The following MSI1 variants were observed in gnomAD, a reference collection of about 807,000 sequenced individuals.
MSI1 encodes the protein musashi RNA binding protein 1, also known as RNA-binding protein Musashi homolog 1.
Under a neutral mutation model 54.4 loss-of-function variants are expected in MSI1, and 15 were observed. That is an observed-to-expected ratio of 0.28 (90% CI 0.18 to 0.42). The LOEUF (loss-of-function observed/expected upper bound fraction) is 0.42, where lower values mean the gene tolerates loss of function less well. MSI1 is among the 20% of genes least tolerant of loss of function. The probability of loss-of-function intolerance (pLI) is 1.00; values close to 1 mark genes in which losing one functional copy is unlikely to be tolerated. For missense variants in MSI1, 304 were observed against 506.0 expected (o/e 0.60, Z 3.83); for synonymous variants, 200 against 196.5 (o/e 1.02, Z -0.15).
At chr12:120,367,312 C>T (rs913069994) in intron 4 of MSI1, among the ~76,000 whole-genome samples, 1 of 152,152 alleles carries the variant, frequency 6.6e-6, no homozygotes, top group African/African-American at 2.4e-5. Context: ...TTTCCATCTG[C>T]CCTGGAGCCA....
At chr12:120,345,723 C>T (rs1874054325) in intron 13 of MSI1, 91 bp from the exon 14 acceptor site, 2 of 1,504,112 alleles carry the variant, frequency 1.3e-6, no homozygotes, top group East Asian at 4.5e-5. Flanking sequence ...TGAAGTGAGG[C>T]GCTGACCTCT....
At position 120,368,151 on chromosome 12, in the gene MSI1, G is replaced by C. The variant is rs756205567; in HGVS notation, c.182+41C>G. ...ACAAGGCAGTGAGTGGCGGGTGGAG[G>C]GGGGCGAGCCGGGAGCAGGAGGAGG... On this transcript the variant is annotated intron_variant, in intron 3 of 14. Transcript: ENST00000257552. This position sits in a 1 kb window ranked among gnomAD's most constrained non-coding sequence, Gnocchi z 6.6. 28 of 1,584,676 alleles carry C rather than the reference G, an allele frequency of 1.8e-5. No individual in the cohort carries two copies. In the East Asian group the frequency reaches 2.1e-4, roughly 12 times the overall value.
chr12:120,359,184 A>T, intron 6 of MSI1, 131 bp from the exon 7 acceptor site: 1 of 1,066,648 alleles, frequency 9.4e-7, no homozygotes, highest in South Asian at 1.5e-5. Flanking sequence ...CTCCCTGCAC[A>T]GGGGACAACT....
chr12:120,355,975 G>C (rs1228836200), intron 9 of MSI1, among the ~76,000 whole-genome samples: 6 of 151,904 alleles, frequency 3.9e-5, no homozygotes, highest in Non-Finnish European at 7.4e-5. Context: ...CATCTCCCCA[G>C]GGAGCCTATG....
chr12:120,369,093 G>C lies in MSI1; in HGVS notation c.-2C>G. 2.0e-6 allele frequency: 2 copies of C among 1,015,602 alleles called. No homozygotes were observed. The highest frequency in any genetic ancestry group is 2.3e-6 in the Non-Finnish European group (2 of 854,430). The allele number at this position is 1,015,602 out of a possible 1,614,324, so 62.9% of individuals were successfully genotyped here. ...GGGCTGGGGCGCGTCAGTCTCCATC[G>C]GGAGCCGCGGGCGGCGCGGGCAGCG... On this transcript the variant is annotated 5_prime_UTR_variant, in exon 1 of 15. Coordinates refer to ENST00000257552, the MANE Select transcript of MSI1 (RefSeq NM_002442.4).
rs955599514 is a variant in MSI1, at chr12:120,368,328, C to A, written c.101-55G>T. On this transcript the variant is annotated intron_variant, in intron 2 of 14. Transcript: ENST00000257552. This position sits in a 1 kb window ranked among gnomAD's most constrained non-coding sequence, Gnocchi z 6.6. ...CCCGGGCCCCGCGCCCTTCCCCCCC[C>A]CCCGTCCTTTGCCCCCGGTGACCCC... 34 of 1,530,922 alleles carry A rather than the reference C, an allele frequency of 2.2e-5. No individual in the cohort carries two copies. The highest frequency in any genetic ancestry group is 2.0e-4 in the Middle Eastern group (1 of 5,108). 94.8% of individuals were successfully genotyped at this position (1,530,922 alleles called of 1,614,324 possible).
At position 120,368,327 on chromosome 12, in the gene MSI1, C is replaced by T. The variant is rs531682921; in HGVS notation, c.101-54G>A. The T allele has an allele frequency of 5.0e-5, 51 of 1,029,206 alleles. No homozygotes were observed. The African/African-American group carries it at 6.2e-4, about 12-fold the overall frequency. The allele number at this position is 1,029,206 out of a possible 1,614,324, so 63.8% of individuals were successfully genotyped here. A position where few individuals can be genotyped will look rare whatever the true frequency, so the allele number is the denominator to read the frequency against. On this transcript the variant is annotated intron_variant, in intron 2 of 14. Transcript: ENST00000257552. The surrounding 1 kb of genome is among the most constrained non-coding windows in gnomAD (Gnocchi z 6.6). ...GCCCGGGCCCCGCGCCCTTCCCCCCCCCCCGTCCTTTGCCCCCGGTGACCC... is the reference window on the plus strand; with the variant it reads ...GCCCGGGCCCCGCGCCCTTCCCCCCTCCCCGTCCTTTGCCCCCGGTGACCC...
At chr12:120,363,704 C>T (rs1156554541) in intron 5 of MSI1, among the ~76,000 whole-genome samples, 28 of 152,226 alleles carry the variant, frequency 1.8e-4, no homozygotes, top group Non-Finnish European at 5.9e-5. Context: ...ATGGAATTAA[C>T]CCAGTTCCAA....
intron 6 of MSI1, among the ~76,000 whole-genome samples, chr12:120,360,151 A>G (rs1875509845): frequency 6.6e-6 from 1 of 152,016 alleles, no homozygotes; most frequent in African/African-American, 2.4e-5. Flanking sequence ...ACTCCTGGCT[A>G]ATTTTTGTAT....
chr12:120,340,342 C>T (rs142937371), downstream of MSI1, among the ~76,000 whole-genome samples: 60 of 152,306 alleles, frequency 3.9e-4, no homozygotes, highest in African/African-American at 1.3e-3. Context: ...CCTTGGCCTC[C>T]CAAAGTGCTG....
chr12:120,354,468 G>A (rs910911874), intron 9 of MSI1, among the ~76,000 whole-genome samples: 2 of 148,428 alleles, frequency 1.3e-5, no homozygotes, highest in African/African-American at 2.5e-5. Context: ...TTTCACTCTT[G>A]TTCCCCAGGC....
chr12:120,347,324 A>G, intron 12 of MSI1, 122 bp downstream of exon 12: 1 of 1,171,440 alleles, frequency 8.5e-7, no homozygotes, highest in East Asian at 2.3e-5. Context: ...TAATCAGGTG[A>G]TACTTGAGTG....
chr12:120,348,709 C>A (rs1050748454), intron 11 of MSI1, among the ~76,000 whole-genome samples: 15 of 151,566 alleles, frequency 9.9e-5, no homozygotes, highest in Non-Finnish European at 1.5e-5. Context: ...CATGGAGAAA[C>A]CCCGTCTCTA....
chr12:120,347,075 G>A (rs1286823367), intron 12 of MSI1, among the ~76,000 whole-genome samples: 7 of 151,984 alleles, frequency 4.6e-5, no homozygotes, highest in East Asian at 3.9e-4. Flanking sequence ...TTGGCCTCCC[G>A]AGTAGCTGGG....
chr12:120,367,983 C>CCGG, intron 4 of MSI1, 25 bp downstream of exon 4: 1 of 1,593,004 alleles, frequency 6.3e-7, no homozygotes, highest in South Asian at 1.1e-5. Context: ...CCCAAAGGAC[C>CCGG]CCCGAAGCCC....
intron 4 of MSI1, among the ~76,000 whole-genome samples, chr12:120,365,117 G>A (rs1875933242): frequency 6.6e-6 from 1 of 152,002 alleles, no homozygotes; most frequent in Admixed American, 6.6e-5. Flanking sequence ...CACCATGTTG[G>A]CCAGACTGGT....
At position 120,346,096 on chromosome 12, in the gene MSI1, T is replaced by G. The variant is rs769265267; in HGVS notation, c.1047+39A>C. 6 of 1,476,800 alleles carry G rather than the reference T, an allele frequency of 4.1e-6. No homozygotes were observed. In the South Asian group the frequency reaches 7.7e-5, roughly 19 times the overall value. 91.5% of individuals were successfully genotyped at this position (1,476,800 alleles called of 1,614,324 possible). A position where few individuals can be genotyped will look rare whatever the true frequency, so the allele number is the denominator to read the frequency against. On this transcript the variant is annotated intron_variant, in intron 13 of 14. Transcript: ENST00000257552. ...CCCAACTTGGGGGTCTCTCAAGGTG[T>G]GGGGGGTGAGGTGGGGGCCGCTAGG...
chr12:120,361,317 T>C (rs1306251002), intron 6 of MSI1: 1 of 152,228 alleles, frequency 6.6e-6, no homozygotes, highest in African/African-American at 2.4e-5. Flanking sequence ...TCAGCCCAAA[T>C]CCACAACTTC....
intron 10 of MSI1, among the ~76,000 whole-genome samples, chr12:120,352,984 C>T (rs1874759710): frequency 6.6e-6 from 1 of 152,132 alleles, no homozygotes; most frequent in South Asian, 2.1e-4. Flanking sequence ...CCACTACAAG[C>T]CCAATGCCCT....
Sources: gnomAD v4.1 joint callset for allele counts (sites outside exome capture counted in the v4.1 genomes callset) on GRCh38, gnomAD v4.1.1 for gene constraint, Gnocchi (gnomAD v3.1) non-coding constraint, MANE v1.5 for transcripts, NCBI Gene and HGNC (gene_info 2026-07-23, HGNC 2026-07-21) for gene names.